TESK2: variants seen among roughly 807,000 people sequenced by gnomAD.
TESK2 encodes testis associated actin remodelling kinase 2.
TESK2 carries 39 observed loss-of-function variants against 57.1 expected under a neutral mutation model. The observed-to-expected ratio is 0.68, with a 90% confidence interval of 0.53 to 0.89. The LOEUF (loss-of-function observed/expected upper bound fraction) is 0.89. TESK2 is among the 40% of genes least tolerant of loss of function. The pLI, the probability that TESK2 is intolerant of heterozygous loss-of-function variation, is 0.00. For missense variants in TESK2, 646 were observed against 732.1 expected (o/e 0.88, Z 1.36); for synonymous variants, 249 against 267.9 (o/e 0.93, Z 0.69).
At chr1:45,404,649 T>C (rs1057064514) in intron 3 of TESK2, among the ~76,000 whole-genome samples, 1 of 151,520 alleles carries the variant, frequency 6.6e-6, no homozygotes, top group African/African-American at 2.4e-5. Flanking sequence ...GTTCAAGCAA[T>C]TCTCCTGCCT....
chr1:45,411,927 A>AT (rs1650054083), intron 3 of TESK2, among the ~76,000 whole-genome samples: 1 of 152,218 alleles, frequency 6.6e-6, no homozygotes, highest in Admixed American at 6.5e-5. Flanking sequence ...AAGTGCTCAG[A>AT]TTATAGGTGT....
At chr1:45,353,090 G>T (rs909772952) in intron 5 of TESK2, among the ~76,000 whole-genome samples, 1 of 151,838 alleles carries the variant, frequency 6.6e-6, no homozygotes, top group Non-Finnish European at 1.5e-5. Context: ...TAGAGGAAGG[G>T]TTTCACCATG....
intron 8 of TESK2, 75 bp from the exon 9 acceptor site, chr1:45,346,854 T>TG: frequency 6.5e-7 from 1 of 1,544,186 alleles, no homozygotes; most frequent in Non-Finnish European, 8.9e-7. Context: ...TCAGTAGAAG[T>TG]GGTTGGGAGC....
intron 3 of TESK2, among the ~76,000 whole-genome samples, chr1:45,421,122 T>C (rs989931176): frequency 6.6e-6 from 1 of 152,058 alleles, no homozygotes; most frequent in African/African-American, 2.4e-5. Context: ...CTGGATGTGG[T>C]GGTGCGCCTG....
At chr1:45,474,859 T>C (rs1398477745) in intron 1 of TESK2, among the ~76,000 whole-genome samples, 1 of 151,556 alleles carries the variant, frequency 6.6e-6, no homozygotes, top group African/African-American at 2.4e-5. Context: ...TGCTGGAATA[T>C]GAAATAACAC....
At chr1:45,482,488 AC>A (rs1375428200) in intron 1 of TESK2, among the ~76,000 whole-genome samples, 2 of 152,042 alleles carry the variant, frequency 1.3e-5, no homozygotes, top group African/African-American at 4.8e-5. Context: ...TGATCAGACC[AC>A]TGCACTCCAG....
At chr1:45,442,431 T>C (rs1651483012) in intron 2 of TESK2, among the ~76,000 whole-genome samples, 1 of 152,080 alleles carries the variant, frequency 6.6e-6, no homozygotes, top group African/African-American at 2.4e-5. Context: ...ACTAGAACAA[T>C]CATTTTCTTA....
At chr1:45,388,547 T>C (rs761778376) in intron 3 of TESK2, among the ~76,000 whole-genome samples, 4 of 152,148 alleles carry the variant, frequency 2.6e-5, no homozygotes, top group Non-Finnish European at 5.9e-5. Flanking sequence ...GATGTTATAA[T>C]GGCAGAGTTG....
At chr1:45,367,656 A>AT (rs549920468) in intron 4 of TESK2, among the ~76,000 whole-genome samples, 47,391 of 125,248 alleles carry the variant, frequency 0.38, 9,667 homozygotes, top group African/African-American at 0.51. Context: ...GTCACAAAGC[A>AT]TTTTTTTTTT....
At chr1:45,346,958 A>T in intron 8 of TESK2, 21 bp downstream of exon 8, 5 of 1,613,100 alleles carry the variant, frequency 3.1e-6, no homozygotes, top group Non-Finnish European at 4.2e-6. Flanking sequence ...AGTGGCAATG[A>T]TCCCCATGCT....
At chr1:45,368,506 T>C (rs1346916774) in intron 4 of TESK2, among the ~76,000 whole-genome samples, 2 of 151,844 alleles carry the variant, frequency 1.3e-5, no homozygotes, top group Admixed American at 6.6e-5. Context: ...CCCGAGTACC[T>C]GGGACTACAG....
chr1:45,371,536 T>C (rs1021342253), intron 4 of TESK2, among the ~76,000 whole-genome samples: 1 of 152,180 alleles, frequency 6.6e-6, no homozygotes, highest in African/African-American at 2.4e-5. Flanking sequence ...ATTCCACTTA[T>C]ATGAGGTATC....
At chr1:45,353,708 T>C (rs1647296510) in intron 5 of TESK2, among the ~76,000 whole-genome samples, 1 of 152,220 alleles carries the variant, frequency 6.6e-6, no homozygotes, top group Non-Finnish European at 1.5e-5. Context: ...TGGGCAGCAG[T>C]CATATTAGAT....
chr1:45,354,815 A>T (rs12038076), intron 5 of TESK2, among the ~76,000 whole-genome samples: 32 of 40,678 alleles, frequency 7.9e-4, no homozygotes, highest in South Asian at 1.3e-3. Context: ...AAAAAAAAAA[A>T]ATATATATAT....
chr1:45,485,606 C>G (rs905926193), intron 1 of TESK2, among the ~76,000 whole-genome samples: 1 of 151,182 alleles, frequency 6.6e-6, no homozygotes, highest in Non-Finnish European at 1.5e-5. Context: ...GCAACCTCCA[C>G]TTCCTGGGTA....
At chr1:45,470,955 G>A (rs530317754) in intron 1 of TESK2, among the ~76,000 whole-genome samples, 1 of 152,296 alleles carries the variant, frequency 6.6e-6, no homozygotes, top group East Asian at 1.9e-4. Context: ...GTAGAAGGCT[G>A]AGCACAGAGG....
chr1:45,366,838 T>C (rs925244488), intron 4 of TESK2, among the ~76,000 whole-genome samples: 1 of 151,860 alleles, frequency 6.6e-6, no homozygotes, highest in Non-Finnish European at 1.5e-5. Flanking sequence ...CAAAAACAAA[T>C]ATTTAATAAT....
intron 2 of TESK2, among the ~76,000 whole-genome samples, chr1:45,454,959 A>T (rs149618470): frequency 1.3e-5 from 2 of 152,224 alleles, no homozygotes; most frequent in Non-Finnish European, 2.9e-5. Flanking sequence ...TCATAAAAAC[A>T]GCAAGTAGAA....
chr1:45,472,973 T>TA (rs1023886539), intron 1 of TESK2, among the ~76,000 whole-genome samples: 2,476 of 100,786 alleles, frequency 0.025, 50 homozygotes, highest in African/African-American at 0.06. Context: ...CTGTCTCTAC[T>TA]AAAAAAAAAA....
Sources: gnomAD v4.1 joint callset for allele counts (sites outside exome capture counted in the v4.1 genomes callset) on GRCh38, gnomAD v4.1.1 for gene constraint, MANE v1.5 for transcripts, NCBI Gene and HGNC (gene_info 2026-07-23, HGNC 2026-07-21) for gene names.